Variants in ARID2 observed in about 807,000 individuals in gnomAD.
The protein encoded by ARID2 is AT-rich interaction domain 2.
ARID2 carries 32 observed loss-of-function variants against 184.6 expected under a neutral mutation model. That is an observed-to-expected ratio of 0.17 (90% CI 0.13 to 0.23). The LOEUF (loss-of-function observed/expected upper bound fraction) is 0.23, where lower values mean the gene tolerates loss of function less well. Among genes scored for constraint, ARID2 ranks in the 10% least tolerant of loss-of-function variants. The pLI is 1.00. For missense variants in ARID2, 1,696 were observed against 2,197.6 expected (o/e 0.77, Z 4.56); for synonymous variants, 836 against 772.6 (o/e 1.08, Z -1.36).
chr12:45,812,891 A>G (rs977921343), intron 4 of ARID2, among the ~76,000 whole-genome samples: 11 of 152,210 alleles, frequency 7.2e-5, no homozygotes, highest in Admixed American at 2.0e-4. Context: ...GGTGTCCGCT[A>G]CTACTGTTCC....
chr12:45,837,235 C>T (rs2138129694), intron 8 of ARID2, 86 bp from the exon 9 acceptor site: 1 of 1,234,074 alleles, frequency 8.1e-7, no homozygotes, highest in Non-Finnish European at 1.1e-6. Context: ...GCAACATTGT[C>T]CTGTTTATTT....
chr12:45,826,359 G>C (rs949482729), intron 6 of ARID2, among the ~76,000 whole-genome samples: 2 of 151,946 alleles, frequency 1.3e-5, no homozygotes, highest in African/African-American at 4.8e-5. Context: ...TAGTTAAATA[G>C]TGGGAAAAGA....
intron 5 of ARID2, among the ~76,000 whole-genome samples, chr12:45,818,754 T>C (rs992224076): frequency 6.6e-6 from 1 of 152,174 alleles, no homozygotes; most frequent in African/African-American, 2.4e-5. Context: ...AATTTATTTC[T>C]CTGCAATTTG....
chr12:45,771,028 G>A (rs554409625), intron 3 of ARID2, among the ~76,000 whole-genome samples: 2 of 152,076 alleles, frequency 1.3e-5, no homozygotes, highest in East Asian at 1.9e-4. Context: ...ACTGAAAGCC[G>A]GCGATCCCAC....
At chr12:45,763,856 GT>G (rs1592061459) in intron 3 of ARID2, among the ~76,000 whole-genome samples, 1 of 152,092 alleles carries the variant, frequency 6.6e-6, no homozygotes, top group East Asian at 1.9e-4. Context: ...AATGGTTTTT[GT>G]TTGTTTTTTG....
At chr12:45,755,914 G>GT (rs1757537916) in intron 3 of ARID2, 1 of 167,498 alleles carries the variant, frequency 6.0e-6, no homozygotes, top group African/African-American at 2.4e-5. Flanking sequence ...AATACTTTTT[G>GT]TTTTTTCTTG....
intron 20 of ARID2, among the ~76,000 whole-genome samples, chr12:45,899,787 T>A (rs765665040): frequency 1.2e-5 from 1 of 84,426 alleles, no homozygotes; most frequent in Admixed American, 1.0e-4. Flanking sequence ...TACCCCCCCC[T>A]CCCACCTCCA....
chr12:45,842,717 A>G (rs541119291), intron 11 of ARID2, among the ~76,000 whole-genome samples: 4 of 152,002 alleles, frequency 2.6e-5, no homozygotes, highest in South Asian at 4.2e-4. Context: ...AGATCATGCC[A>G]CTGCACTCCA....
chr12:45,778,391 G>A (rs966655350), intron 3 of ARID2, among the ~76,000 whole-genome samples: 3 of 152,020 alleles, frequency 2.0e-5, no homozygotes, highest in Non-Finnish European at 2.9e-5. Flanking sequence ...TAGAGGCCAG[G>A]AATATATACA....
At chr12:45,745,569 A>T (rs1171692820) in intron 3 of ARID2, among the ~76,000 whole-genome samples, 1 of 152,182 alleles carries the variant, frequency 6.6e-6, no homozygotes, top group African/African-American at 2.4e-5. Flanking sequence ...TATTTTTGAG[A>T]CAAAGTCTCA....
At chr12:45,775,994 T>TGTTA (rs1941970702) in intron 3 of ARID2, 1 of 165,448 alleles carries the variant, frequency 6.0e-6, no homozygotes, top group African/African-American at 2.4e-5. Flanking sequence ...ATTAATACAA[T>TGTTA]GTTAGGCAAG....
In ARID2 at chr12:45,787,282, A is replaced by G. The variant is rs544671754; in HGVS notation, c.285-24136A>G. 4.0e-4 allele frequency among the ~76,000 whole-genome samples: 61 copies of G among 151,306 alleles called. No homozygotes were observed. The South Asian group carries it at 4.6e-3, about 11-fold the overall frequency. On this transcript the variant is annotated intron_variant, in intron 3 of 20. Coordinates refer to ENST00000334344, the MANE Select transcript of ARID2 (RefSeq NM_152641.4). ...ACCCAGGCTGGAGCACGGTGGCACA[A>G]TCGCGGCTCACTATAGCCTCGACCT...
intron 5 of ARID2, 37 bp downstream of exon 5, chr12:45,817,925 G>T (rs748678717): frequency 6.6e-7 from 1 of 1,511,686 alleles, no homozygotes; most frequent in Non-Finnish European, 8.9e-7. Context: ...TAATTCTTCT[G>T]TAAAAGTTTT....
intron 3 of ARID2, among the ~76,000 whole-genome samples, chr12:45,759,916 T>C (rs1941641770): frequency 6.6e-6 from 1 of 152,178 alleles, no homozygotes. Context: ...AACAAGCACC[T>C]TTTCATGTAT....
chr12:45,743,827 A>G (rs1941307568), intron 3 of ARID2, among the ~76,000 whole-genome samples: 1 of 152,168 alleles, frequency 6.6e-6, no homozygotes, highest in Non-Finnish European at 1.5e-5. Context: ...TAGGGTTTGA[A>G]CATTTCTAAA....
At chr12:45,731,100 C>T (rs1940985609) in intron 2 of ARID2, 117 bp from the exon 3 acceptor site, 1 of 714,416 alleles carries the variant, frequency 1.4e-6, no homozygotes, top group African/African-American at 1.8e-5. Context: ...CGATCCGAAA[C>T]ACCCACTGAT....
chr12:45,781,146 TATTATCTTAAA>T (rs1942081787), intron 3 of ARID2, among the ~76,000 whole-genome samples: 1 of 151,212 alleles, frequency 6.6e-6, no homozygotes, highest in African/African-American at 2.4e-5. Context: ...AACAAACATT[TATTATCTTAAA>T]GTTTCTGTGA....
chr12:45,828,455 A>G (rs899808634), intron 6 of ARID2, among the ~76,000 whole-genome samples: 1 of 152,088 alleles, frequency 6.6e-6, no homozygotes. Flanking sequence ...AAATATATGC[A>G]TGCATTTTTG....
At chr12:45,859,082 C>CT in intron 15 of ARID2, among the ~76,000 whole-genome samples, 1 of 152,196 alleles carries the variant, frequency 6.6e-6, no homozygotes, top group Non-Finnish European at 1.5e-5. Context: ...GGCTTTTAAT[C>CT]TAAGTTCTCA....
Sources: gnomAD v4.1 joint callset for allele counts (sites outside exome capture counted in the v4.1 genomes callset) on GRCh38, gnomAD v4.1.1 for gene constraint, MANE v1.5 for transcripts, NCBI Gene and HGNC (gene_info 2026-07-23, HGNC 2026-07-21) for gene names.